WDR26: variants seen among roughly 807,000 people sequenced by gnomAD.
WDR26 encodes WD repeat domain 26.
A neutral mutation model predicts 84.1 loss-of-function variants in WDR26; 5 were observed. The observed-to-expected ratio is 0.06, with a 90% CI of 0.03 to 0.13. The LOEUF is 0.13. Ranked by LOEUF, WDR26 falls within the 10% of genes least tolerant of loss-of-function variation. The pLI, the probability that WDR26 is intolerant of heterozygous loss-of-function variation, is 1.00. For missense variants in WDR26, 642 were observed against 974.9 expected (o/e 0.66, Z 4.55); for synonymous variants, 415 against 389.6 (o/e 1.07, Z -0.77).
chr1:224,385,342 G>A lies in WDR26; in HGVS notation c.*4493C>T, dbSNP rs1672959152. ...ATTTATAAAATAAAAGTCAACAAAG[G>A]GTGTTTTGTAAATAATTAGTAAACA... On this transcript the variant is annotated 3_prime_UTR_variant, in exon 14 of 14. Coordinates refer to ENST00000414423, the MANE Select transcript of WDR26 (RefSeq NM_001379403.1). 1 of 151,956 alleles carries A rather than the reference G, an allele frequency of 6.6e-6. No homozygotes were observed. The highest frequency in any genetic ancestry group is 2.4e-5 in the African/African-American group (1 of 41,368). 9.4% of individuals were successfully genotyped at this position (151,956 alleles called of 1,614,324 possible). A position where few individuals can be genotyped will look rare whatever the true frequency, so the allele number is the denominator to read the frequency against.
At chr1:224,424,469 A>G (rs769803643) in intron 4 of WDR26, 49 bp downstream of exon 4, 1 of 1,583,514 alleles carries the variant, frequency 6.3e-7, no homozygotes, top group African/African-American at 1.4e-5. Context: ...TTAAAGAAAT[A>G]TAACTTTGGC....
At chr1:224,424,675 A>G (rs1674160419) in intron 3 of WDR26, 21 bp from the exon 4 acceptor site, 1 of 1,614,104 alleles carries the variant, frequency 6.2e-7, no homozygotes, top group Non-Finnish European at 8.5e-7. Context: ...AGAAAGCAGC[A>G]GTCAGGGGAA....
rs2102926315 is a variant in WDR26, at chr1:224,431,543, A to C, written c.861T>G (p.His287Gln). Residue 287 changes from histidine (H) to glutamine (Q), a missense_variant, in exon 3 of 14, where the codon CAT (histidine) becomes CAG (glutamine). This residue lies in a region of WDR26 where 351 missense variants were observed against 672.8 expected (regional missense o/e 0.52). Coordinates refer to ENST00000414423, the MANE Select transcript of WDR26 (RefSeq NM_001379403.1). ...CTCTTACCACAATAGCATGAGGAGA[A>C]TGCACTAAAGGCTTTAGTTCATTCA... 6.2e-7 allele frequency: 1 copy of C among 1,614,110 alleles called. No individual in the cohort carries two copies. The highest frequency in any genetic ancestry group is 2.2e-5 in the East Asian group (1 of 44,866).
chr1:224,426,662 A>C (rs1431024054), intron 3 of WDR26, among the ~76,000 whole-genome samples: 1 of 149,410 alleles, frequency 6.7e-6, no homozygotes, highest in African/African-American at 2.5e-5. Flanking sequence ...AAAACTAAAC[A>C]ATGCAAAAAA....
rs377625229 is a variant in WDR26 at position 224,386,321 on chromosome 1, T to C, written c.*3514A>G. On this transcript the variant is annotated 3_prime_UTR_variant, in exon 14 of 14. Transcript: ENST00000414423. The stretch of plus-strand genomic sequence containing the variant: ...ACCAAATCAAAATATTTATACATTT[T>C]AGAGATGGGACAAAAAGGATATTAA... The C allele has an allele frequency of 2.9e-4, 45 of 152,768 alleles. No homozygotes were observed. Among genetic ancestry groups the C allele is most frequent in the African/African-American group, 1.0e-3 (43 of 41,574 alleles). 9.5% of individuals were successfully genotyped at this position (152,768 alleles called of 1,614,324 possible).
intron 3 of WDR26, among the ~76,000 whole-genome samples, chr1:224,426,914 G>T (rs967122916): frequency 1.3e-5 from 2 of 150,986 alleles, no homozygotes; most frequent in Non-Finnish European, 3.0e-5. Flanking sequence ...GACAAACATG[G>T]TGAAACCCCG....
intron 4 of WDR26, among the ~76,000 whole-genome samples, chr1:224,421,171 C>G (rs185526203): frequency 9.7e-4 from 147 of 152,252 alleles, no homozygotes; most frequent in African/African-American, 3.5e-3. Context: ...ACCTTTGGGC[C>G]ATTTCCTTAG....
At chr1:224,430,567 A>G (rs1371156966) in intron 3 of WDR26, 3 of 152,198 alleles carry the variant, frequency 2.0e-5, no homozygotes, top group Non-Finnish European at 4.4e-5. Context: ...GTTTGACTCA[A>G]TTTTAAAAAA....
At chr1:224,432,632 C>T (rs867370369) in intron 1 of WDR26, among the ~76,000 whole-genome samples, 7 of 152,164 alleles carry the variant, frequency 4.6e-5, no homozygotes, top group Non-Finnish European at 7.3e-5. Context: ...TGCCTGAAAA[C>T]CGAAATACTT....
At chr1:224,424,965 T>C (rs926022024) in intron 3 of WDR26, among the ~76,000 whole-genome samples, 1 of 152,238 alleles carries the variant, frequency 6.6e-6, no homozygotes, top group Non-Finnish European at 1.5e-5. Context: ...CCTACAATTG[T>C]AGTTCTTGTA....
chr1:224,430,585 T>G (rs1195773626), intron 3 of WDR26: 1 of 152,198 alleles, frequency 6.6e-6, no homozygotes, highest in Non-Finnish European at 1.5e-5. Flanking sequence ...AAAATCAAAA[T>G]GTAATAGTCA....
At chr1:224,410,944 G>A (rs1220176768) in intron 7 of WDR26, among the ~76,000 whole-genome samples, 10 of 151,842 alleles carry the variant, frequency 6.6e-5, no homozygotes, top group African/African-American at 1.9e-4. Flanking sequence ...CTCCTGCCTC[G>A]GCTTCCCAAA....
chr1:224,433,592 A>AGCCCCCC, intron 1 of WDR26, 92 bp downstream of exon 1: 4 of 993,750 alleles, frequency 4.0e-6, no homozygotes, highest in African/African-American at 1.6e-5. Context: ...AGCTCTTTCA[A>AGCCCCCC]GCCCCCCTCC....
At chr1:224,407,151 A>AAAAAAATATATATATATATATATATAT in intron 7 of WDR26, among the ~76,000 whole-genome samples, 2 of 11,866 alleles carry the variant, frequency 1.7e-4, no homozygotes, top group Non-Finnish European at 2.8e-4. Context: ...AAAAAAAAAA[A>AAAAAAATATATATATATATATATATAT]ATATATATAT....
At chr1:224,397,964 T>A in intron 12 of WDR26, 133 bp downstream of exon 12, 1 of 1,070,722 alleles carries the variant, frequency 9.3e-7, no homozygotes, top group Non-Finnish European at 1.3e-6. Flanking sequence ...AGAGAGAAAT[T>A]AACCGTGTAT....
rs144531645 is a variant in WDR26 at position 224,434,204 on chromosome 1, CGGAGGA to C, written c.196_201del (p.Ser66_Ser67del). On this transcript the variant is annotated inframe_deletion, in exon 1 of 14. Transcript: ENST00000414423. ...GGGGGAAGTCCCACCACTACCACCA[CGGAGGA>C]GGAGGAGGAGGAGGAGGACGAGGAC... The C allele has an allele frequency of 4.3e-4, 575 of 1,342,406 alleles. 1 individual carries two copies. Among genetic ancestry groups the C allele is most frequent in the South Asian group, 9.2e-4 (53 of 57,336 alleles). The allele number at this position is 1,342,406 out of a possible 1,614,324, so 83.2% of individuals were successfully genotyped here.
At position 224,385,834 on chromosome 1, in the gene WDR26, T is replaced by C. The variant is rs1186081456; in HGVS notation, c.*4001A>G. ...AGATGGGGACACAATTTCAATCTTA[T>C]AAAAATATACCAGTATTAACCAAAC... On this transcript the variant is annotated 3_prime_UTR_variant, in exon 14 of 14. Coordinates refer to ENST00000414423, the MANE Select transcript of WDR26 (RefSeq NM_001379403.1). 1.3e-5 allele frequency: 2 copies of C among 152,540 alleles called. No individual in the cohort carries two copies. Among genetic ancestry groups the C allele is most frequent in the Non-Finnish European group, 2.9e-5 (2 of 68,014 alleles). 9.4% of individuals were successfully genotyped at this position (152,540 alleles called of 1,614,324 possible).
chr1:224,430,428 G>A (rs768451549), intron 3 of WDR26: 1 of 151,800 alleles, frequency 6.6e-6, no homozygotes, highest in African/African-American at 2.4e-5. Flanking sequence ...TAATTCACCT[G>A]AAGCCCATTT....
At chr1:224,420,230 T>C (rs1001558774) in intron 4 of WDR26, among the ~76,000 whole-genome samples, 3 of 152,256 alleles carry the variant, frequency 2.0e-5, no homozygotes, top group Admixed American at 1.3e-4. Flanking sequence ...GGAACTGTTT[T>C]ATTGCTCACT....
Sources: gnomAD v4.1 joint callset for allele counts (sites outside exome capture counted in the v4.1 genomes callset) on GRCh38, gnomAD v4.1.1 for gene constraint, gnomAD v4.1.1 regional missense constraint, MANE v1.5 for transcripts, NCBI Gene and HGNC (gene_info 2026-07-23, HGNC 2026-07-21) for gene names.